AOAH: variants seen among roughly 807,000 people sequenced by gnomAD.
AOAH encodes the protein acyloxyacyl hydrolase.
A neutral mutation model predicts 92.2 loss-of-function variants in AOAH; 64 were observed. The observed-to-expected ratio is 0.69, with a 90% CI of 0.57 to 0.86. The LOEUF (loss-of-function observed/expected upper bound fraction) is 0.86, where lower values mean the gene tolerates loss of function less well. Ranked by LOEUF, AOAH falls within the 40% of genes least tolerant of loss-of-function variation. AOAH has a pLI of 0.00. For synonymous variants in AOAH, 263 were observed against 254.5 expected, an observed-to-expected ratio of 1.03 and a Z score of -0.32; for missense variants, 656 against 694.6, an observed-to-expected ratio of 0.94 and a Z score of 0.62.
intron 6 of AOAH, among the ~76,000 whole-genome samples, chr7:36,627,690 A>C (rs972925758): frequency 1.1e-4 from 16 of 151,962 alleles, no homozygotes; most frequent in African/African-American, 3.6e-4. Context: ...CCCCATCCCA[A>C]TCCATGGCCC....
chr7:36,656,724 T>C (rs1410190258), intron 4 of AOAH, among the ~76,000 whole-genome samples: 2 of 151,414 alleles, frequency 1.3e-5, no homozygotes, highest in Admixed American at 6.6e-5. Flanking sequence ...TGTGCGACCT[T>C]CCCCTGTGCC....
At chr7:36,640,114 G>C (rs539425381) in intron 4 of AOAH, among the ~76,000 whole-genome samples, 7 of 152,246 alleles carry the variant, frequency 4.6e-5, no homozygotes, top group Admixed American at 2.6e-4. Flanking sequence ...GTGCACATGG[G>C]GGTGGCAGCA....
intron 4 of AOAH, among the ~76,000 whole-genome samples, chr7:36,645,086 A>G (rs916535771): frequency 1.3e-5 from 2 of 152,192 alleles, no homozygotes; most frequent in Non-Finnish European, 2.9e-5. Context: ...GGAGGAGGGA[A>G]GTGCATAAAT....
chr7:36,717,308 G>A (rs1184307352), intron 1 of AOAH, among the ~76,000 whole-genome samples: 1 of 152,078 alleles, frequency 6.6e-6, no homozygotes, highest in Admixed American at 6.6e-5. Context: ...ACAATACCCT[G>A]CTTCAGTGAG....
At chr7:36,707,459 T>C (rs572096148) in intron 1 of AOAH, among the ~76,000 whole-genome samples, 1 of 152,174 alleles carries the variant, frequency 6.6e-6, no homozygotes, top group South Asian at 2.1e-4. Context: ...TACCAAAATG[T>C]GACACAGAGA....
At chr7:36,670,682 G>A (rs565176483) in intron 3 of AOAH, among the ~76,000 whole-genome samples, 82 of 152,130 alleles carry the variant, frequency 5.4e-4, no homozygotes, top group Admixed American at 1.6e-3. Context: ...TCACCATGTT[G>A]GCCAGGATGC....
chr7:36,683,958 C>T (rs146946623), intron 2 of AOAH, among the ~76,000 whole-genome samples: 1 of 151,674 alleles, frequency 6.6e-6, no homozygotes, highest in African/African-American at 2.4e-5. Flanking sequence ...GGAGCCACTG[C>T]ACTCCAGCCT....
rs539358062 is a variant in AOAH, at chr7:36,676,206, G to C, written c.224-2197C>G. ...TGTGGCTGATATGATCTTCCATGTA[G>C]AAAATCCTAAGGAATCTATTAAAAA... On this transcript the variant is annotated intron_variant, in intron 2 of 20. Transcript: ENST00000617537. Among the ~76,000 whole-genome samples, 33 of 152,240 alleles carry C rather than the reference G, an allele frequency of 2.2e-4. No homozygotes were observed. The South Asian group carries it at 5.6e-3, about 26-fold the overall frequency.
At chr7:36,543,624 G>C (rs1383328433) in intron 15 of AOAH, among the ~76,000 whole-genome samples, 1 of 124,628 alleles carries the variant, frequency 8.0e-6, no homozygotes, top group Non-Finnish European at 1.8e-5. Flanking sequence ...GCTAAACGAA[G>C]AATCTGAGCT....
chr7:36,626,783 T>C (rs1327123853), intron 6 of AOAH, among the ~76,000 whole-genome samples: 2 of 152,130 alleles, frequency 1.3e-5, no homozygotes, highest in South Asian at 2.1e-4. Context: ...TGTTTGTTTG[T>C]TTTTGTGTTT....
chr7:36,571,146 C>T (rs1216709999), intron 13 of AOAH, among the ~76,000 whole-genome samples: 4 of 152,146 alleles, frequency 2.6e-5, no homozygotes, highest in Non-Finnish European at 5.9e-5. Context: ...ACTGAGTCCT[C>T]GCTGAGAATG....
In AOAH at chr7:36,614,293, T is replaced by G. The variant is rs1791692570; in HGVS notation, c.846+2087A>C. Among the ~76,000 whole-genome samples, 1 of 152,196 alleles carries G rather than the reference T, an allele frequency of 6.6e-6. No homozygotes were observed. The highest frequency in any genetic ancestry group is 1.5e-5 in the Non-Finnish European group (1 of 68,036). ...CCATCCAGAAGTAATGGCTGTGAGC[T>G]GCTATTCCCTGTGCAGTGCATCAGA... On this transcript the variant is annotated intron_variant, in intron 11 of 20. Coordinates refer to ENST00000617537, the MANE Select transcript of AOAH (RefSeq NM_001637.4). The surrounding 1 kb of genome is among the most constrained non-coding windows in gnomAD (Gnocchi z 4.2).
At chr7:36,517,597 C>CTTTTTTTTTTTTT (rs70977159) in intron 20 of AOAH, among the ~76,000 whole-genome samples, 1 of 89,578 alleles carries the variant, frequency 1.1e-5, no homozygotes, top group East Asian at 3.3e-4. Context: ...GACTTTATAT[C>CTTTTTTTTTTTTT]TTTTTTTTTT....
intron 12 of AOAH, among the ~76,000 whole-genome samples, chr7:36,587,223 G>T (rs937779892): frequency 7.7e-6 from 1 of 130,330 alleles, no homozygotes; most frequent in Admixed American, 9.6e-5. Context: ...AGTGAGCCAA[G>T]ATCACGCCAC....
chr7:36,671,442 C>T (rs1298666461), intron 3 of AOAH, among the ~76,000 whole-genome samples: 1 of 152,186 alleles, frequency 6.6e-6, no homozygotes, highest in Non-Finnish European at 1.5e-5. Context: ...AGCCCTCAAA[C>T]TGTTTTCCAT....
chr7:36,718,599 T>C (rs1301866166), intron 1 of AOAH, among the ~76,000 whole-genome samples: 1 of 152,226 alleles, frequency 6.6e-6, no homozygotes, highest in Non-Finnish European at 1.5e-5. Flanking sequence ...AGTATGTCCA[T>C]ACAATGGAAT....
chr7:36,714,303 A>G (rs1317945223), intron 1 of AOAH, among the ~76,000 whole-genome samples: 7 of 152,212 alleles, frequency 4.6e-5, no homozygotes, highest in Admixed American at 4.6e-4. Flanking sequence ...TTAATAGACC[A>G]ATAACAGGAG....
chr7:36,611,231 G>A (rs1791430015), intron 11 of AOAH, among the ~76,000 whole-genome samples: 1 of 152,118 alleles, frequency 6.6e-6, no homozygotes. Context: ...CTTAAAACAG[G>A]TGACAAAATG....
intron 13 of AOAH, among the ~76,000 whole-genome samples, chr7:36,553,097 C>A (rs985618888): frequency 2.7e-5 from 4 of 149,676 alleles, no homozygotes; most frequent in African/African-American, 9.8e-5. Flanking sequence ...TTAGGTATAT[C>A]TCCCAATGCT....
Sources: gnomAD v4.1 joint callset for allele counts (sites outside exome capture counted in the v4.1 genomes callset) on GRCh38, gnomAD v4.1.1 for gene constraint, Gnocchi (gnomAD v3.1) non-coding constraint, MANE v1.5 for transcripts, NCBI Gene and HGNC (gene_info 2026-07-23, HGNC 2026-07-21) for gene names.